Variants in ELK3 observed in about 807,000 individuals in gnomAD.
The protein encoded by ELK3 is ETS domain-containing protein Elk-3.
A neutral mutation model predicts 28.9 loss-of-function variants in ELK3; 10 were observed. That is an observed-to-expected ratio of 0.35 (90% CI 0.21 to 0.59). The LOEUF is 0.59. Among genes scored for constraint, ELK3 ranks in the 20% least tolerant of loss-of-function variants. ELK3 has a pLI of 0.82. For missense variants in ELK3, 463 were observed against 517.3 expected, an observed-to-expected ratio of 0.90 and a Z score of 1.02; for synonymous variants, 272 against 243.5, an observed-to-expected ratio of 1.12 and a Z score of -1.09.
At chr12:96,225,722 G>A (rs561658575) in intron 2 of ELK3, among the ~76,000 whole-genome samples, 1 of 152,316 alleles carries the variant, frequency 6.6e-6, no homozygotes, top group African/African-American at 2.4e-5. Flanking sequence ...CCAGCCAAAA[G>A]GCACACACAC....
At chr12:96,194,976 G>C (rs1951452618) in intron 1 of ELK3, among the ~76,000 whole-genome samples, 1 of 151,006 alleles carries the variant, frequency 6.6e-6, no homozygotes, top group Non-Finnish European at 1.5e-5. Flanking sequence ...CTGCGCCCGC[G>C]GCTCCCCTCC....
At chr12:96,265,425 T>G (rs1300218778) in intron 4 of ELK3, among the ~76,000 whole-genome samples, 2 of 152,060 alleles carry the variant, frequency 1.3e-5, no homozygotes, top group African/African-American at 4.8e-5. Flanking sequence ...GTGGCTGACA[T>G]CTGCAATCCC....
At chr12:96,241,109 G>C (rs1391980006) in intron 2 of ELK3, among the ~76,000 whole-genome samples, 1 of 152,166 alleles carries the variant, frequency 6.6e-6, no homozygotes, top group Non-Finnish European at 1.5e-5. Flanking sequence ...TATATGTATG[G>C]GATACACCCA....
At chr12:96,228,513 T>C (rs549242340) in intron 2 of ELK3, among the ~76,000 whole-genome samples, 1 of 151,050 alleles carries the variant, frequency 6.6e-6, no homozygotes, top group African/African-American at 2.4e-5. Flanking sequence ...CGGATCTGAG[T>C]ATTATGGCCC....
chr12:96,194,744 A>C (rs1951448830), intron 1 of ELK3, 39 bp downstream of exon 1: 1 of 147,994 alleles, frequency 6.8e-6, no homozygotes, highest in African/African-American at 2.5e-5. Flanking sequence ...CGGACACTTA[A>C]AAAGTTTGTT....
chr12:96,262,041 CAG>C (rs1403579395), intron 4 of ELK3, among the ~76,000 whole-genome samples: 2 of 133,220 alleles, frequency 1.5e-5, no homozygotes, highest in African/African-American at 5.7e-5. Flanking sequence ...TTTTTTGAGA[CAG>C]AGTCTCACTC....
At position 96,236,239 on chromosome 12, in the gene ELK3, C is replaced by T. The variant is rs202212592; in HGVS notation, c.208-10701C>T. On this transcript the variant is annotated intron_variant, in intron 2 of 4. Transcript: ENST00000228741. ...GGACTCCAGGTCCAGCCAGCAGCAG[C>T]GCCCAGCCAAGAAGGCAGGGAGAAA... 1.8e-3 allele frequency among the ~76,000 whole-genome samples: 270 copies of T among 152,284 alleles called. 1 individual carries two copies. The highest frequency in any genetic ancestry group is 7.8e-3 in the Admixed American group (119 of 15,306).
chr12:96,215,102 T>C lies in ELK3; in HGVS notation c.-2-8463T>C, dbSNP rs1406982211. The stretch of plus-strand genomic sequence containing the variant: ...TTTTTCTCCTTTTCTTGGGCTCTCA[T>C]TGCCTTTTTTTTTTTTTTAAGTTGC... On this transcript the variant is annotated intron_variant, in intron 1 of 4. Transcript: ENST00000228741. Among the ~76,000 whole-genome samples, 4 of 151,504 alleles carry C rather than the reference T, an allele frequency of 2.6e-5. No homozygotes were observed. In the South Asian group the frequency reaches 6.2e-4, roughly 24 times the overall value.
chr12:96,211,411 A>G (rs1951576905), intron 1 of ELK3, among the ~76,000 whole-genome samples: 1 of 151,978 alleles, frequency 6.6e-6, no homozygotes, highest in Admixed American at 6.6e-5. Context: ...TTTTTCCTAG[A>G]GAATTTTAGA....
At position 96,269,512 on chromosome 12, in the gene ELK3, A is replaced by C. The variant is rs1952068730; in HGVS notation, c.*2332A>C. On this transcript the variant is annotated 3_prime_UTR_variant, in exon 5 of 5. Coordinates refer to ENST00000228741, the MANE Select transcript of ELK3 (RefSeq NM_005230.4). ...ATGGATGAAAATACTCCTGTAACAC[A>C]AACAGAGAACTGGAGGAACTGAAGA... The C allele has an allele frequency of 6.6e-6, 1 of 152,204 alleles. No homozygotes were observed. The highest frequency in any genetic ancestry group is 6.5e-5 in the Admixed American group (1 of 15,286). 9.4% of individuals were successfully genotyped at this position (152,204 alleles called of 1,614,324 possible).
At chr12:96,241,585 A>G (rs765275255) in intron 2 of ELK3, among the ~76,000 whole-genome samples, 4 of 152,138 alleles carry the variant, frequency 2.6e-5, no homozygotes, top group African/African-American at 4.8e-5. Context: ...GGCATTTTCT[A>G]TGCAGTTAAA....
Position 96,247,187 on chromosome 12 carries a change from A to G in ELK3, c.455A>G (p.Gln152Arg). ...TCGTCCTTCACCATTAATTCCCTGC[A>G]GAACCCACCAGACGCCTTCAAGGCC... ...LYSSFTINSL[Q>R]NPPDAFKAIK... The change falls in exon 3 of 5, where the codon CAG becomes CGG. Residue 152 changes from glutamine (Q) to arginine (R), a missense_variant. Gln to Arg is a conservative substitution (Grantham distance 43). Around this residue, in one of 2 missense-constraint regions of ELK3, gnomAD observed 408 missense variants for 414.8 expected, o/e 0.98. Coordinates refer to ENST00000228741, the MANE Select transcript of ELK3 (RefSeq NM_005230.4). This position sits in a 1 kb window ranked among gnomAD's most constrained non-coding sequence, Gnocchi z 5.5. 1.9e-6 allele frequency: 3 copies of G among 1,614,188 alleles called. No individual in the cohort carries two copies.
chr12:96,213,685 T>C (rs1327828198), intron 1 of ELK3: 2 of 152,250 alleles, frequency 1.3e-5, no homozygotes, highest in African/African-American at 2.4e-5. Context: ...TATGTTGTTA[T>C]TTCAGTGGTT....
intron 1 of ELK3, among the ~76,000 whole-genome samples, chr12:96,211,462 C>T (rs941547294): frequency 4.2e-5 from 4 of 95,716 alleles, no homozygotes; most frequent in East Asian, 3.9e-4. Context: ...GAAGAGGAAA[C>T]TGCCCTGGGG....
intron 1 of ELK3, among the ~76,000 whole-genome samples, chr12:96,203,533 T>C (rs1263217938): frequency 1.3e-5 from 2 of 152,226 alleles, no homozygotes; most frequent in Admixed American, 1.3e-4. Context: ...CTTGTCAATA[T>C]AGCCCCACCT....
At chr12:96,228,442 A>AAAAAAAAAAAAG (rs761298726) in intron 2 of ELK3, among the ~76,000 whole-genome samples, 6 of 142,646 alleles carry the variant, frequency 4.2e-5, no homozygotes, top group Admixed American at 7.5e-5. Flanking sequence ...AAAAAAAAAA[A>AAAAAAAAAAAAG]AAGAAGATCA....
chr12:96,221,206 C>T (rs904142632), intron 1 of ELK3, among the ~76,000 whole-genome samples: 1 of 152,200 alleles, frequency 6.6e-6, no homozygotes, highest in Admixed American at 6.5e-5. Flanking sequence ...TATGGGTTCT[C>T]ATAAGTCATG....
chr12:96,263,220 A>G (rs368453723), intron 4 of ELK3, among the ~76,000 whole-genome samples: 4 of 152,324 alleles, frequency 2.6e-5, no homozygotes, highest in African/African-American at 9.6e-5. Context: ...CCAAGGAAGG[A>G]GAGAGAAGAC....
intron 4 of ELK3, 152 bp from the exon 5 acceptor site, chr12:96,266,930 C>T (rs1002853637): frequency 6.2e-5 from 32 of 515,644 alleles, no homozygotes; most frequent in African/African-American, 5.2e-4. Context: ...TTGTCATCTT[C>T]CAATTATTCT....
Sources: gnomAD v4.1 joint callset for allele counts (sites outside exome capture counted in the v4.1 genomes callset) on GRCh38, gnomAD v4.1.1 for gene constraint, gnomAD v4.1.1 regional missense constraint, Gnocchi (gnomAD v3.1) non-coding constraint, MANE v1.5 for transcripts, NCBI Gene and HGNC (gene_info 2026-07-23, HGNC 2026-07-21) for gene names.